The following PCDH15 variants were observed in gnomAD, a reference collection of about 807,000 sequenced individuals.
PCDH15 encodes protocadherin-15.
In PCDH15, 129 loss-of-function variants were observed where a neutral mutation model predicts 178.5. The ratio of observed to expected loss-of-function variants is 0.72; its 90% CI spans 0.63 to 0.84. The LOEUF is 0.84. Ranked by LOEUF, PCDH15 falls within the 40% of genes least tolerant of loss-of-function variation. The pLI is 0.00. For missense variants in PCDH15, 2,230 were observed against 2,099.9 expected, an observed-to-expected ratio of 1.06 and a Z score of -1.21; for synonymous variants, 800 against 732.0, an observed-to-expected ratio of 1.09 and a Z score of -1.50.
intron 23 of PCDH15, among the ~76,000 whole-genome samples, chr10:53,955,112 T>G (rs1248997557): frequency 1.3e-5 from 2 of 152,200 alleles, no homozygotes; most frequent in Non-Finnish European, 2.9e-5. Context: ...CGTACCTGGA[T>G]TCTCACAACG....
chr10:55,350,228 C>CATATATATATATATATAT (rs869240598), intron 2 of PCDH15, among the ~76,000 whole-genome samples: 15 of 73,428 alleles, frequency 2.0e-4, no homozygotes, highest in East Asian at 8.2e-4. Flanking sequence ...TATATAAACT[C>CATATATATATATATATAT]ATATATATAT....
rs550297950 is a variant in PCDH15, at chr10:54,354,011, GT to G, written c.475-7528del. Among the ~76,000 whole-genome samples the G allele has an allele frequency of 7.9e-5, 12 of 152,246 alleles. No homozygotes were observed. In the South Asian group the frequency reaches 2.5e-3, roughly 32 times the overall value. ...TATTTATTTATTTTTGAGATGACGAGTTTCGCTCTTGTTGGCCAGGCTGGAG... is the reference window on the plus strand; with the variant it reads ...TATTTATTTATTTTTGAGATGACGAGTTCGCTCTTGTTGGCCAGGCTGGAG... On this transcript the variant is annotated intron_variant, in intron 5 of 37. Transcript: ENST00000644397.
At chr10:54,189,914 C>A (rs1274929383) in intron 11 of PCDH15, among the ~76,000 whole-genome samples, 1 of 109,480 alleles carries the variant, frequency 9.1e-6, no homozygotes, top group Non-Finnish European at 1.8e-5. Context: ...TATATGTATA[C>A]ATGCATGTGT....
chr10:54,281,403 G>A (rs1304831754), intron 8 of PCDH15, among the ~76,000 whole-genome samples: 4 of 151,824 alleles, frequency 2.6e-5, no homozygotes. Context: ...CAACAATTCT[G>A]CTTGCTTTCA....
Position 54,287,208 on chromosome 10 carries a change from A to T in PCDH15, c.876+30063T>A, listed in dbSNP as rs555858678. On this transcript the variant is annotated intron_variant, in intron 8 of 37. Coordinates refer to ENST00000644397, the MANE Select transcript of PCDH15 (RefSeq NM_001384140.1). ...CTAAAGTTTAATGAACTATATACCC[A>T]TCAGTGTATTAAGCAGAAAAATAGT... 2.0e-5 allele frequency among the ~76,000 whole-genome samples: 3 copies of T among 152,308 alleles called. No individual in the cohort carries two copies. In the East Asian group the frequency reaches 5.8e-4, roughly 29 times the overall value.
At chr10:55,001,539 G>A (rs1839794432) in intron 2 of PCDH15, among the ~76,000 whole-genome samples, 1 of 152,138 alleles carries the variant, frequency 6.6e-6, no homozygotes, top group Non-Finnish European at 1.5e-5. Context: ...TCAGTGGTAT[G>A]CCTGTTCCAC....
At position 54,842,101 on chromosome 10, in the gene PCDH15, A is replaced by G. The variant is rs1953429261; in HGVS notation, c.-29+55349T>C. Among the ~76,000 whole-genome samples the G allele has an allele frequency of 3.3e-5, 5 of 151,952 alleles. 1 individual carries two copies. In the South Asian group the frequency reaches 1.0e-3, roughly 32 times the overall value. On this transcript the variant is annotated intron_variant, in intron 3 of 5. Coordinates refer to the PCDH15 transcript ENST00000458638. ...GAAATTGGACTTATTCTCTTATGTAACTACAAAATTCATAAACGTTCATGA... is the reference window on the plus strand; with the variant it reads ...GAAATTGGACTTATTCTCTTATGTAGCTACAAAATTCATAAACGTTCATGA...
intron 2 of PCDH15, among the ~76,000 whole-genome samples, chr10:55,043,987 C>T (rs1045599538): frequency 1.2e-4 from 18 of 151,988 alleles, no homozygotes; most frequent in African/African-American, 4.1e-4. Flanking sequence ...TAAAAGAGAT[C>T]CAGAATATAG....
chr10:54,819,743 T>C (rs549724973), intron 3 of PCDH15, among the ~76,000 whole-genome samples: 88 of 152,134 alleles, frequency 5.8e-4, no homozygotes, highest in African/African-American at 2.1e-3. Context: ...GGGAATCACT[T>C]CTTTTTGTTT....
chr10:55,443,513 C>A (rs367886466), intron 2 of PCDH15, among the ~76,000 whole-genome samples: 1 of 152,020 alleles, frequency 6.6e-6, no homozygotes, highest in Non-Finnish European at 1.5e-5. Context: ...ATTATTGCGG[C>A]CAAAAACCAT....
chr10:55,509,155 A>C (rs1477219650), intron 2 of PCDH15, among the ~76,000 whole-genome samples: 1 of 151,774 alleles, frequency 6.6e-6, no homozygotes, highest in African/African-American at 2.4e-5. Context: ...GCACACATCC[A>C]AACGTCTGGG....
At chr10:55,377,054 C>G (rs1241549143) in intron 2 of PCDH15, among the ~76,000 whole-genome samples, 1 of 150,170 alleles carries the variant, frequency 6.7e-6, no homozygotes, top group Non-Finnish European at 1.5e-5. Flanking sequence ...GATGAGAAAG[C>G]ACTATTAGAA....
chr10:54,275,174 C>T (rs2058280999), intron 8 of PCDH15, among the ~76,000 whole-genome samples: 1 of 147,302 alleles, frequency 6.8e-6, no homozygotes, highest in Non-Finnish European at 1.5e-5. Context: ...TGTCAGTGAC[C>T]TTTCAACAAC....
At chr10:55,352,619 G>A (rs1310259737) in intron 2 of PCDH15, among the ~76,000 whole-genome samples, 5 of 152,082 alleles carry the variant, frequency 3.3e-5, no homozygotes, top group African/African-American at 7.2e-5. Context: ...GAAAAAGCTC[G>A]CTAAGTTGTT....
intron 10 of PCDH15, among the ~76,000 whole-genome samples, chr10:54,204,380 A>C (rs2050562892): frequency 6.6e-6 from 1 of 151,688 alleles, no homozygotes; most frequent in African/African-American, 2.4e-5. Flanking sequence ...AAAGTAATCT[A>C]TGCTGTTAGA....
intron 7 of PCDH15, among the ~76,000 whole-genome samples, chr10:54,318,326 G>A (rs2061402110): frequency 6.6e-6 from 1 of 152,138 alleles, no homozygotes; most frequent in Non-Finnish European, 1.5e-5. Flanking sequence ...CATCTGGTCT[G>A]TGATTCCCCC....
chr10:55,486,746 A>C (rs1234711842), intron 2 of PCDH15, among the ~76,000 whole-genome samples: 2 of 151,542 alleles, frequency 1.3e-5, no homozygotes, highest in African/African-American at 4.8e-5. Context: ...GCCTCAAGTC[A>C]TCCTCCTGCC....
At chr10:54,968,441 A>T (rs1036097933) in intron 2 of PCDH15, among the ~76,000 whole-genome samples, 7 of 149,812 alleles carry the variant, frequency 4.7e-5, no homozygotes, top group African/African-American at 4.9e-5. Flanking sequence ...ATAGATTGAC[A>T]TTTTTTTTTT....
At chr10:55,319,080 C>T (rs1255683565) in intron 1 of PCDH15, among the ~76,000 whole-genome samples, 1 of 151,956 alleles carries the variant, frequency 6.6e-6, no homozygotes, top group Non-Finnish European at 1.5e-5. Flanking sequence ...CACAAACACA[C>T]ACGATTCCCC....
Sources: gnomAD v4.1 joint callset for allele counts (sites outside exome capture counted in the v4.1 genomes callset) on GRCh38, gnomAD v4.1.1 for gene constraint, MANE v1.5 for transcripts, NCBI Gene and HGNC (gene_info 2026-07-23, HGNC 2026-07-21) for gene names.